CCDC192: variants seen among roughly 807,000 people sequenced by gnomAD.
CCDC192 encodes the protein coiled-coil domain containing 192, also known as coiled-coil domain-containing protein 192.
intron 2 of CCDC192, among the ~76,000 whole-genome samples, chr5:127,750,309 TTG>T (rs1754067152): frequency 6.6e-6 from 1 of 152,238 alleles, no homozygotes; most frequent in Non-Finnish European, 1.5e-5. Context: ...TTCTGGTATG[TTG>T]TGTCTTTGTT....
At chr5:127,733,841 T>C (rs1021247583) in intron 2 of CCDC192, among the ~76,000 whole-genome samples, 3 of 147,160 alleles carry the variant, frequency 2.0e-5, no homozygotes, top group African/African-American at 7.6e-5. Context: ...CATTGAAGTT[T>C]CTTTTTTTTT....
intron 5 of CCDC192, among the ~76,000 whole-genome samples, chr5:127,810,273 TA>T (rs1293687737): frequency 6.6e-6 from 1 of 152,198 alleles, no homozygotes. Flanking sequence ...CATTCTGTGA[TA>T]AAAACTGTTG....
intron 6 of CCDC192, among the ~76,000 whole-genome samples, chr5:127,918,604 C>A (rs73786961): frequency 1.0e-3 from 157 of 152,286 alleles, no homozygotes; most frequent in African/African-American, 3.6e-3. Flanking sequence ...TGCATTACTC[C>A]ATTTACACTT....
intron 5 of CCDC192, among the ~76,000 whole-genome samples, chr5:127,825,341 A>G (rs1366576002): frequency 6.6e-6 from 1 of 152,214 alleles, no homozygotes; most frequent in Non-Finnish European, 1.5e-5. Flanking sequence ...TAAAACTCTG[A>G]GTAGAAATAT....
At chr5:127,822,119 T>A (rs1316796320) in intron 5 of CCDC192, among the ~76,000 whole-genome samples, 1 of 152,216 alleles carries the variant, frequency 6.6e-6, no homozygotes, top group Non-Finnish European at 1.5e-5. Context: ...CTGGGCTTGG[T>A]AGGTCCCTGC....
intron 6 of CCDC192, among the ~76,000 whole-genome samples, chr5:127,924,883 T>A (rs1753822376): frequency 2.0e-5 from 3 of 152,184 alleles, no homozygotes; most frequent in Admixed American, 2.0e-4. Context: ...TTCCCCACTT[T>A]CCTTTTATCC....
At chr5:127,919,242 C>G (rs149901779) in intron 6 of CCDC192, among the ~76,000 whole-genome samples, 105 of 151,984 alleles carry the variant, frequency 6.9e-4, no homozygotes, top group Admixed American at 1.4e-3. Flanking sequence ...CACCTGGTTC[C>G]CATGACTATC....
chr5:127,726,256 CA>C (rs912835932), intron 2 of CCDC192, among the ~76,000 whole-genome samples: 2 of 151,796 alleles, frequency 1.3e-5, no homozygotes, highest in Non-Finnish European at 2.9e-5. Flanking sequence ...TAGAACTGCT[CA>C]AAAAAAGAAA....
intron 5 of CCDC192, among the ~76,000 whole-genome samples, chr5:127,869,319 C>T (rs1751750510): frequency 6.6e-6 from 1 of 152,014 alleles, no homozygotes; most frequent in African/African-American, 2.4e-5. Context: ...AGCAAAACTC[C>T]ATCTCAAAAA....
intron 5 of CCDC192, among the ~76,000 whole-genome samples, chr5:127,829,067 T>C (rs150096571): frequency 2.0e-5 from 3 of 151,866 alleles, no homozygotes; most frequent in African/African-American, 4.8e-5. Context: ...GGTGGGATGG[T>C]GAGAGATGGG....
At chr5:127,933,433 G>T (rs1174095996) in intron 6 of CCDC192, among the ~76,000 whole-genome samples, 1 of 152,200 alleles carries the variant, frequency 6.6e-6, no homozygotes, top group Non-Finnish European at 1.5e-5. Flanking sequence ...ACTGGAGTGA[G>T]TATATGCCTC....
chr5:127,885,883 T>C (rs1752542879), intron 6 of CCDC192, among the ~76,000 whole-genome samples: 1 of 152,164 alleles, frequency 6.6e-6, no homozygotes. Flanking sequence ...TTGGACCAGA[T>C]TACCCTACTA....
intron 2 of CCDC192, among the ~76,000 whole-genome samples, chr5:127,719,470 C>CAT (rs1284489922): frequency 1.7e-4 from 6 of 36,222 alleles, no homozygotes; most frequent in Admixed American, 4.8e-4. Context: ...TATATACAGA[C>CAT]ACATACATAT....
chr5:127,757,767 TAC>T (rs60177261), intron 3 of CCDC192, among the ~76,000 whole-genome samples: 13,523 of 129,426 alleles, frequency 0.1, 817 homozygotes, highest in African/African-American at 0.16. Context: ...AGACAAGGAT[TAC>T]ACACACACAC....
At chr5:127,757,796 ACACT>A (rs745977521) in intron 3 of CCDC192, among the ~76,000 whole-genome samples, 5,654 of 106,276 alleles carry the variant, frequency 0.053, 128 homozygotes, top group Middle Eastern at 0.12. Flanking sequence ...ACACACACAC[ACACT>A]CTCTCTCTCT....
chr5:127,787,803 ATAT>A (rs1580659001), intron 3 of CCDC192, among the ~76,000 whole-genome samples: 1 of 152,124 alleles, frequency 6.6e-6, no homozygotes, highest in Non-Finnish European at 1.5e-5. Flanking sequence ...TTCTGTGTAG[ATAT>A]TATATCCATT....
chr5:127,886,170 G>T (rs1353218930), intron 6 of CCDC192, among the ~76,000 whole-genome samples: 1 of 152,158 alleles, frequency 6.6e-6, no homozygotes, highest in Non-Finnish European at 1.5e-5. Flanking sequence ...CTAAGACCTG[G>T]AAGTCCTGCC....
At chr5:127,880,569 A>T (rs937065715) in intron 6 of CCDC192, among the ~76,000 whole-genome samples, 2 of 151,656 alleles carry the variant, frequency 1.3e-5, no homozygotes, top group African/African-American at 4.8e-5. Flanking sequence ...AACCTGCACA[A>T]TGTGCACATG....
chr5:127,715,547 A>G (rs1312317006), intron 2 of CCDC192, among the ~76,000 whole-genome samples: 1 of 152,030 alleles, frequency 6.6e-6, no homozygotes, highest in Non-Finnish European at 1.5e-5. Context: ...TTTTATCAAG[A>G]TTGCTTTGGC....
Sources: allele counts gnomAD v4.1 joint callset (sites outside exome capture counted in the v4.1 genomes callset), GRCh38; gene constraint gnomAD v4.1.1; transcripts MANE v1.5; gene names NCBI Gene and HGNC (gene_info 2026-07-23, HGNC 2026-07-21).